TBC1D1: variants seen among roughly 807,000 people sequenced by gnomAD.
The protein encoded by TBC1D1 is TBC1 domain family member 1, also known as TBC1 (tre-2/USP6, BUB2, cdc16) domain family, member 1.
TBC1D1 carries 89 observed loss-of-function variants against 125.6 expected under a neutral mutation model. The ratio of observed to expected loss-of-function variants is 0.71; its 90% CI spans 0.60 to 0.85. TBC1D1 has a LOEUF of 0.85. Among genes scored for constraint, TBC1D1 ranks in the 40% least tolerant of loss-of-function variants. The pLI, the probability that TBC1D1 is intolerant of heterozygous loss-of-function variation, is 0.00. For missense variants in TBC1D1, 1,377 were observed against 1,469.2 expected, an observed-to-expected ratio of 0.94 and a Z score of 1.03; for synonymous variants, 565 against 564.1, an observed-to-expected ratio of 1.00 and a Z score of -0.02.
At chr4:38,112,808 G>A (rs1423580120) in intron 15 of TBC1D1, among the ~76,000 whole-genome samples, 2 of 152,168 alleles carry the variant, frequency 1.3e-5, no homozygotes, top group African/African-American at 2.4e-5. Context: ...AGTGCCTGTC[G>A]AGCGGGTCCC....
At chr4:37,945,430 T>C (rs1726474737) in intron 2 of TBC1D1, among the ~76,000 whole-genome samples, 1 of 139,790 alleles carries the variant, frequency 7.2e-6, no homozygotes, top group Non-Finnish European at 1.5e-5. Context: ...GGAGAATCAC[T>C]TGAACCTGGG....
intron 19 of TBC1D1, among the ~76,000 whole-genome samples, chr4:38,135,221 A>G (rs1246870704): frequency 3.3e-5 from 5 of 152,206 alleles, no homozygotes; most frequent in African/African-American, 1.2e-4. Flanking sequence ...CTGTCCATAA[A>G]ATTGTTAGAA....
intron 2 of TBC1D1, among the ~76,000 whole-genome samples, chr4:38,007,442 G>A (rs995393685): frequency 7.2e-5 from 11 of 151,908 alleles, no homozygotes; most frequent in Non-Finnish European, 1.2e-4. Context: ...TAGTAGAGAC[G>A]GGGTTTCACC....
intron 10 of TBC1D1, 73 bp from the exon 11 acceptor site, chr4:38,049,545 T>C (rs2152478069): frequency 6.6e-7 from 1 of 1,504,228 alleles, no homozygotes; most frequent in Non-Finnish European, 8.9e-7. Context: ...TGTTTGCCCG[T>C]GCAGGAACTA....
rs1361310049 is a variant in TBC1D1 at position 37,977,712 on chromosome 4, T to A, written c.418-36797T>A. Among the ~76,000 whole-genome samples the A allele has an allele frequency of 1.3e-5, 2 of 151,988 alleles. No individual in the cohort carries two copies. Among genetic ancestry groups the A allele is most frequent in the Non-Finnish European group, 2.9e-5 (2 of 67,952 alleles). ...CTCATTCATTAGTCTCCCAGATCCC[T>A]GTGGGGAGGACGGGCGAGGTAGCGG... On this transcript the variant is annotated intron_variant, in intron 2 of 19. Coordinates refer to ENST00000261439, the MANE Select transcript of TBC1D1 (RefSeq NM_015173.4). The surrounding 1 kb of genome is among the most constrained non-coding windows in gnomAD (Gnocchi z 4.3).
rs1239816880 is a variant in TBC1D1 at position 37,977,794 on chromosome 4, C to T, written c.418-36715C>T. Among the ~76,000 whole-genome samples the T allele has an allele frequency of 6.6e-6, 1 of 152,108 alleles. No individual in the cohort carries two copies. The highest frequency in any genetic ancestry group is 1.5e-5 in the Non-Finnish European group (1 of 68,002). On this transcript the variant is annotated intron_variant, in intron 2 of 19. Transcript: ENST00000261439. The surrounding 1 kb of genome is among the most constrained non-coding windows in gnomAD (Gnocchi z 4.3). ...GTACTCGGGGACCCCTGCGGGAGCC[C>T]GAACCCAGCAGGCGGCTCCTCCGGC... is the stretch of plus-strand genomic sequence containing the variant.
intron 2 of TBC1D1, among the ~76,000 whole-genome samples, chr4:37,905,196 G>A (rs1717050904): frequency 6.6e-6 from 1 of 152,234 alleles, no homozygotes; most frequent in African/African-American, 2.4e-5. Flanking sequence ...CATAGAATAT[G>A]AGGAAACTTC....
Position 38,014,280 on chromosome 4 carries a change from G to T in TBC1D1, c.418-229G>T, listed in dbSNP as rs931250184. Among the ~76,000 whole-genome samples the T allele has an allele frequency of 5.3e-5, 8 of 152,168 alleles. No individual in the cohort carries two copies. Among genetic ancestry groups the T allele is most frequent in the African/African-American group, 1.9e-4 (8 of 41,424 alleles). ...CAGCGCAGCCCTTGGCAGGTAAGAG[G>T]TGCTTCATAAGTGTCGTCCCCCTTC... On this transcript the variant is annotated intron_variant, in intron 2 of 19. Transcript: ENST00000261439. The surrounding 1 kb of genome is among the most constrained non-coding windows in gnomAD (Gnocchi z 5.1).
Position 38,139,119 on chromosome 4 carries a change from C to G in TBC1D1, c.*1784C>G, listed in dbSNP as rs1177340755. 6.6e-6 allele frequency: 1 copy of G among 151,986 alleles called. No homozygotes were observed. The highest frequency in any genetic ancestry group is 1.9e-4 in the East Asian group (1 of 5,180). The allele number at this position is 151,986 out of a possible 1,614,324, so 9.4% of individuals were successfully genotyped here. On this transcript the variant is annotated 3_prime_UTR_variant, in exon 20 of 20. Coordinates refer to ENST00000261439, the MANE Select transcript of TBC1D1 (RefSeq NM_015173.4). Reference sequence around the variant, plus strand: ...TTACTGTTACTCAAAAACATTGACTCTGCATCAAGAAAGAAACAAGAAAGC... The same window carrying G: ...TTACTGTTACTCAAAAACATTGACTGTGCATCAAGAAAGAAACAAGAAAGC...
chr4:37,956,901 C>T (rs1246756310), intron 2 of TBC1D1, among the ~76,000 whole-genome samples: 4 of 151,290 alleles, frequency 2.6e-5, no homozygotes, highest in Admixed American at 1.3e-4. Context: ...ATCGCGCCAC[C>T]GCACTCCAGC....
At chr4:38,059,646 C>G (rs997913570) in intron 12 of TBC1D1, among the ~76,000 whole-genome samples, 1 of 152,200 alleles carries the variant, frequency 6.6e-6, no homozygotes, top group African/African-American at 2.4e-5. Context: ...TTCTTGGTAA[C>G]TATACACTAG....
intron 4 of TBC1D1, among the ~76,000 whole-genome samples, chr4:38,020,321 T>G (rs1272472945): frequency 6.6e-6 from 1 of 151,902 alleles, no homozygotes; most frequent in Admixed American, 6.6e-5. Flanking sequence ...CTACTAAAAA[T>G]ACAAAAATTA....
chr4:38,121,864 G>A (rs1416716725), intron 17 of TBC1D1, among the ~76,000 whole-genome samples: 3 of 152,092 alleles, frequency 2.0e-5, no homozygotes, highest in Admixed American at 2.0e-4. Flanking sequence ...AATTTCCAAA[G>A]CCAAAAAACG....
At position 37,977,576 on chromosome 4, in the gene TBC1D1, C is replaced by A. The variant is rs558800172; in HGVS notation, c.418-36933C>A. 3.3e-6 allele frequency: 2 copies of A among 614,974 alleles called. No homozygotes were observed. Among genetic ancestry groups the A allele is most frequent in the Non-Finnish European group, 4.2e-6 (2 of 480,514 alleles). 38.1% of individuals were successfully genotyped at this position (614,974 alleles called of 1,614,324 possible). ...CCCGTTACCGGAGCGGAGCGGCAGG[C>A]GCGGGGCTGGAACATTTGTAACCTT... On this transcript the variant is annotated intron_variant, in intron 2 of 19. Coordinates refer to ENST00000261439, the MANE Select transcript of TBC1D1 (RefSeq NM_015173.4). This position sits in a 1 kb window ranked among gnomAD's most constrained non-coding sequence, Gnocchi z 4.3.
chr4:38,051,635 A>T (rs62299977), intron 11 of TBC1D1, among the ~76,000 whole-genome samples: 39 of 139,662 alleles, frequency 2.8e-4, no homozygotes, highest in Admixed American at 9.8e-4. Flanking sequence ...GAGACCTATT[A>T]AAAAAAAAAA....
intron 2 of TBC1D1, among the ~76,000 whole-genome samples, chr4:37,951,577 A>C (rs953826603): frequency 3.3e-5 from 5 of 152,212 alleles, no homozygotes; most frequent in African/African-American, 1.2e-4. Context: ...TCTTGTGCCC[A>C]AGACTCTCCG....
rs751528727 is a variant in TBC1D1, at chr4:38,049,759, A to G, written c.1771A>G (p.Arg591Gly). 4 of 1,614,052 alleles carry G rather than the reference A, an allele frequency of 2.5e-6. No homozygotes were observed. Among genetic ancestry groups the G allele is most frequent in the Non-Finnish European group, 3.4e-6 (4 of 1,180,028 alleles). Reference sequence around the variant, plus strand: ...TCCGCTGTCGCCCCAGCAGGCCTTCAGGAGGCGAGCAAACACCCTGAGTCA... The same window carrying G: ...TCCGCTGTCGCCCCAGCAGGCCTTCGGGAGGCGAGCAAACACCCTGAGTCA... The change falls in exon 11 of 20, where the codon AGG (arginine) becomes GGG (glycine). Residue 591 changes from arginine (R) to glycine (G), a missense_variant. Transcript: ENST00000261439.
intron 12 of TBC1D1, among the ~76,000 whole-genome samples, chr4:38,057,521 C>T (rs1356538239): frequency 6.6e-6 from 1 of 152,214 alleles, no homozygotes; most frequent in South Asian, 2.1e-4. Context: ...CCTCATGCCT[C>T]CTCTGTCTCT....
intron 12 of TBC1D1, among the ~76,000 whole-genome samples, chr4:38,080,429 C>T (rs947309838): frequency 6.6e-6 from 1 of 152,178 alleles, no homozygotes; most frequent in Non-Finnish European, 1.5e-5. Flanking sequence ...AGGATGGTGG[C>T]CTTGCCCAGC....
Sources: allele counts gnomAD v4.1 joint callset (sites outside exome capture counted in the v4.1 genomes callset), GRCh38; gene constraint gnomAD v4.1.1; non-coding constraint Gnocchi (gnomAD v3.1); transcripts MANE v1.5; gene names NCBI Gene and HGNC (gene_info 2026-07-23, HGNC 2026-07-21).